Variants in DOCK9 observed in about 807,000 individuals in gnomAD.
DOCK9 encodes the protein dedicator of cytokinesis 9.
In DOCK9, 89 loss-of-function variants were observed where a neutral mutation model predicts 263.3. The ratio of observed to expected loss-of-function variants is 0.34; its 90% CI spans 0.28 to 0.40. The LOEUF (loss-of-function observed/expected upper bound fraction) is 0.40, where lower values mean the gene tolerates loss of function less well. Among genes scored for constraint, DOCK9 ranks in the 10% least tolerant of loss-of-function variants. The pLI is 1.00. For missense variants in DOCK9, 2,140 were observed against 2,603.4 expected, an observed-to-expected ratio of 0.82 and a Z score of 3.87; for synonymous variants, 976 against 973.1, an observed-to-expected ratio of 1.00 and a Z score of -0.06.
chr13:98,846,021 C>T lies in DOCK9; in HGVS notation c.4101G>A (p.Lys1367=), dbSNP rs1365550160. 1 of 1,601,842 alleles carries T rather than the reference C, an allele frequency of 6.2e-7. No homozygotes were observed. Among genetic ancestry groups the T allele is most frequent in the South Asian group, 1.1e-5 (1 of 88,588 alleles). ...TACGGGAAACAGGCAATGTCTGAGA[C>T]TTTCGATCATGAACTATGGGTCCCA... ...EGLGPIVHDR[K]SQTLPVSRNR... Residue 1367 remains lysine, a synonymous_variant, in exon 38 of 53, where the codon AAG becomes AAA. Transcript: ENST00000682017.
At chr13:98,971,580 T>C (rs1390397807) in intron 1 of DOCK9, among the ~76,000 whole-genome samples, 5 of 64,514 alleles carry the variant, frequency 7.8e-5, no homozygotes, top group African/African-American at 4.3e-4. Flanking sequence ...TTGTGGTGGG[T>C]GCTTGTAGTC....
chr13:98,837,593 G>C lies in DOCK9; in HGVS notation c.4215C>G (p.Asp1405Glu). ...LTFNHSYGHSDADVLHQSLLE... is the reference protein window; with the variant it reads ...LTFNHSYGHSEADVLHQSLLE... ...GTAATGACTGGTGCAGAACATCTGCGTCCGAGTGGCCATAGCCTGCATGAA... is the reference window on the plus strand; with the variant it reads ...GTAATGACTGGTGCAGAACATCTGCCTCCGAGTGGCCATAGCCTGCATGAA... The change falls in exon 39 of 53, where the codon GAC (aspartate) becomes GAG (glutamate). Residue 1405 changes from aspartate to glutamate, a missense_variant. Asp to Glu is a conservative substitution (Grantham distance 45, BLOSUM62 2). Around this residue, in one of 2 missense-constraint regions of DOCK9, gnomAD observed 1,521 missense variants for 1,741.7 expected, o/e 0.87. Transcript: ENST00000682017. 1.2e-6 allele frequency: 2 copies of C among 1,612,838 alleles called. No homozygotes were observed. Among genetic ancestry groups the C allele is most frequent in the South Asian group, 1.1e-5 (1 of 90,974 alleles).
At chr13:98,984,159 A>G (rs957493188) in intron 1 of DOCK9, among the ~76,000 whole-genome samples, 2 of 152,134 alleles carry the variant, frequency 1.3e-5, no homozygotes, top group African/African-American at 4.8e-5. Context: ...TCATAGAACA[A>G]GGAGACCGAG....
chr13:98,986,356 G>A (rs1878440516), intron 1 of DOCK9, among the ~76,000 whole-genome samples: 1 of 152,248 alleles, frequency 6.6e-6, no homozygotes, highest in South Asian at 2.1e-4. Flanking sequence ...CTAGCATCGG[G>A]GGTGGAGGGG....
At chr13:98,811,683 C>A (rs1346784879) in intron 45 of DOCK9, among the ~76,000 whole-genome samples, 2 of 152,234 alleles carry the variant, frequency 1.3e-5, no homozygotes, top group Non-Finnish European at 2.9e-5. Context: ...GCTGGGATTA[C>A]AGACGTGTGC....
At chr13:98,947,572 C>G (rs1478205309) in intron 2 of DOCK9, among the ~76,000 whole-genome samples, 1 of 142,388 alleles carries the variant, frequency 7.0e-6, no homozygotes, top group Non-Finnish European at 1.5e-5. Flanking sequence ...TGCAGTGGCA[C>G]AATCTTGGCT....
intron 30 of DOCK9, among the ~76,000 whole-genome samples, chr13:98,866,482 T>G (rs1048859385): frequency 6.6e-6 from 1 of 152,184 alleles, no homozygotes; most frequent in Admixed American, 6.5e-5. Context: ...CATTAGCAGT[T>G]TGGTGGCATC....
chr13:98,979,187 T>C (rs951008594), upstream of DOCK9, among the ~76,000 whole-genome samples: 16 of 113,042 alleles, frequency 1.4e-4, no homozygotes, highest in African/African-American at 6.0e-4. Flanking sequence ...GCAATAGTAG[T>C]AGTAGTAGTA....
chr13:98,845,338 C>T (rs1245227840), intron 38 of DOCK9: 3 of 1,360,520 alleles, frequency 2.2e-6, no homozygotes, highest in Non-Finnish European at 2.9e-6. Context: ...CCATTGTCTA[C>T]AGAAATTCCA....
At chr13:98,995,632 G>A (rs1880850457) in intron 1 of DOCK9, among the ~76,000 whole-genome samples, 1 of 151,778 alleles carries the variant, frequency 6.6e-6, no homozygotes, top group Admixed American at 6.6e-5. Flanking sequence ...GGGACTACAG[G>A]CACCTGCCAC....
chr13:98,952,914 CA>C (rs1374100164), intron 2 of DOCK9, among the ~76,000 whole-genome samples: 1 of 152,126 alleles, frequency 6.6e-6, no homozygotes, highest in African/African-American at 2.4e-5. Context: ...ATTTCCTAAC[CA>C]ACTTGGTATT....
At position 98,793,860 on chromosome 13, in the gene DOCK9, A is replaced by G. The variant is rs1011111569; in HGVS notation, c.*766T>C. On this transcript the variant is annotated 3_prime_UTR_variant, in exon 53 of 53. Coordinates refer to ENST00000682017, the MANE Select transcript of DOCK9 (RefSeq NM_001366683.2). ...AATTTATCACAATTAAACTTAATGC[A>G]TAAGCCCATGTGAGTATTAAAAATG... is the stretch of plus-strand genomic sequence containing the variant. 6.5e-6 allele frequency: 1 copy of G among 152,676 alleles called. No individual in the cohort carries two copies. The highest frequency in any genetic ancestry group is 2.4e-5 in the African/African-American group (1 of 41,470). The allele number at this position is 152,676 out of a possible 1,614,324, so 9.5% of individuals were successfully genotyped here.
chr13:99,032,554 A>G (rs536840469), intron 1 of DOCK9, among the ~76,000 whole-genome samples: 4 of 152,206 alleles, frequency 2.6e-5, no homozygotes, highest in South Asian at 4.2e-4. Flanking sequence ...TTTGGGAAAG[A>G]TAAGGCTGAG....
rs1172610168 is a variant in DOCK9 at position 98,805,075 on chromosome 13, A to C, written c.5649T>G (p.Phe1883Leu). Residue 1883 changes from phenylalanine (F) to leucine (L), a missense_variant, in exon 49 of 53, where the codon TTT (phenylalanine) becomes TTG (leucine). By Grantham distance (22) the Phe-to-Leu change is conservative. Transcript: ENST00000682017. Reference protein sequence around the residue: ...ERSHNIRRFMFEMPFTQTGKR... With the variant: ...ERSHNIRRFMLEMPFTQTGKR... ...TCCCGGTCTGCGTAAATGGCATCTC[A>C]AACATGAAGCGGCGGATGTTGTGGG... 6.2e-7 allele frequency: 1 copy of C among 1,612,278 alleles called. No homozygotes were observed. The highest frequency in any genetic ancestry group is 8.5e-7 in the Non-Finnish European group (1 of 1,179,188).
At chr13:98,954,899 T>C (rs2057856160) in intron 2 of DOCK9, among the ~76,000 whole-genome samples, 1 of 110,718 alleles carries the variant, frequency 9.0e-6, no homozygotes, top group Admixed American at 8.3e-5. Context: ...CACACACACA[T>C]TTTGGCATAC....
At chr13:99,043,538 A>C (rs938095848) in intron 1 of DOCK9, among the ~76,000 whole-genome samples, 2 of 152,196 alleles carry the variant, frequency 1.3e-5, no homozygotes, top group African/African-American at 4.8e-5. Flanking sequence ...TGCAGAACCC[A>C]GGAGCAGAGG....
At position 98,862,978 on chromosome 13, in the gene DOCK9, G is replaced by A. The variant is rs760765277; in HGVS notation, c.3579+41C>T. ...TGGCGCTTTGTCCTGGCTTCCCCGG[G>A]ACCTGATATAGGCTGAGTTAATGTG... On this transcript the variant is annotated intron_variant, in intron 32 of 52. Coordinates refer to ENST00000682017, the MANE Select transcript of DOCK9 (RefSeq NM_001366683.2). 9 of 1,536,580 alleles carry A rather than the reference G, an allele frequency of 5.9e-6. No individual in the cohort carries two copies. In the African/African-American group the frequency reaches 9.6e-5, roughly 16 times the overall value.
intron 32 of DOCK9, among the ~76,000 whole-genome samples, chr13:98,860,825 C>T (rs1423323437): frequency 6.6e-6 from 1 of 152,124 alleles, no homozygotes; most frequent in Non-Finnish European, 1.5e-5. Context: ...GCTCGGACGC[C>T]CAACATTTCC....
intron 1 of DOCK9, among the ~76,000 whole-genome samples, chr13:98,985,727 G>A (rs1363806373): frequency 6.6e-6 from 1 of 152,198 alleles, no homozygotes; most frequent in Non-Finnish European, 1.5e-5. Flanking sequence ...CTCCTGGTAT[G>A]GGTTACCAAA....
Sources: gnomAD v4.1 joint callset for allele counts (sites outside exome capture counted in the v4.1 genomes callset) on GRCh38, gnomAD v4.1.1 for gene constraint, gnomAD v4.1.1 regional missense constraint, MANE v1.5 for transcripts, NCBI Gene and HGNC (gene_info 2026-07-23, HGNC 2026-07-21) for gene names.